CIT: variants seen among roughly 807,000 people sequenced by gnomAD.
CIT encodes the protein citron Rho-interacting kinase.
In CIT, 79 loss-of-function variants were observed where a neutral mutation model predicts 272.7. The observed-to-expected ratio is 0.29, with a 90% CI of 0.24 to 0.35. The LOEUF is 0.35. Ranked by LOEUF, CIT falls within the 10% of genes least tolerant of loss-of-function variation. The pLI is 1.00. For synonymous variants in CIT, 948 were observed against 995.6 expected (o/e 0.95, Z 0.90); for missense variants, 1,909 against 2,618.3 (o/e 0.73, Z 5.91).
Position 119,775,682 on chromosome 12 carries a change from T to A in CIT, c.1941+104A>T, listed in dbSNP as rs1963682348. 5 of 823,080 alleles carry A rather than the reference T, an allele frequency of 6.1e-6. No individual in the cohort carries two copies. The South Asian group carries it at 7.8e-5, about 13-fold the overall frequency. 51.0% of individuals were successfully genotyped at this position (823,080 alleles called of 1,614,324 possible). ...CCCCTTCATTTTCCTCAGCGCTGGGTGACTAATTCTGTTTCTTTCATCTTT... is the reference window on the plus strand; with the variant it reads ...CCCCTTCATTTTCCTCAGCGCTGGGAGACTAATTCTGTTTCTTTCATCTTT... On this transcript the variant is annotated intron_variant, in intron 16 of 47. Coordinates refer to ENST00000392521, the MANE Select transcript of CIT (RefSeq NM_001206999.2).
chr12:119,708,925 A>C (rs1308985373), intron 39 of CIT, among the ~76,000 whole-genome samples: 1 of 152,216 alleles, frequency 6.6e-6, no homozygotes, highest in African/African-American at 2.4e-5. Flanking sequence ...GTAAAGAACG[A>C]ATGTGTGAGG....
intron 19 of CIT, among the ~76,000 whole-genome samples, chr12:119,765,166 A>T (rs1356427601): frequency 6.6e-6 from 1 of 151,978 alleles, no homozygotes; most frequent in Non-Finnish European, 1.5e-5. Flanking sequence ...TTGAGATATA[A>T]TGACCACTAA....
At chr12:119,704,042 C>A (rs74373703) in intron 41 of CIT, among the ~76,000 whole-genome samples, 7 of 152,096 alleles carry the variant, frequency 4.6e-5, no homozygotes, top group African/African-American at 1.7e-4. Flanking sequence ...AAAGAGCCCC[C>A]CCTTTTTTTT....
chr12:119,872,876 A>G (rs781191682), intron 2 of CIT, among the ~76,000 whole-genome samples: 5 of 152,254 alleles, frequency 3.3e-5, no homozygotes, highest in Non-Finnish European at 7.4e-5. Flanking sequence ...AACTCACTAC[A>G]ACCTCTGCCT....
At chr12:119,688,397 G>A (rs1285539131) in intron 47 of CIT, 142 bp from the exon 48 acceptor site, 8 of 790,140 alleles carry the variant, frequency 1.0e-5, no homozygotes, top group Admixed American at 9.1e-5. Flanking sequence ...GGCAGCACCC[G>A]CTCCAGAGCC....
At chr12:119,704,142 GAAGAA>G (rs1764971770) in intron 41 of CIT, among the ~76,000 whole-genome samples, 2 of 152,116 alleles carry the variant, frequency 1.3e-5, no homozygotes, top group African/African-American at 4.8e-5. Flanking sequence ...GCAAATGTGA[GAAGAA>G]AAGCAGGAGG....
intron 24 of CIT, among the ~76,000 whole-genome samples, chr12:119,737,175 C>T (rs539928054): frequency 7.0e-4 from 107 of 151,818 alleles, no homozygotes; most frequent in African/African-American, 2.3e-3. Context: ...GGCGTGGTGG[C>T]GGGCACCTGT....
intron 12 of CIT, 79 bp from the exon 13 acceptor site, chr12:119,782,716 G>A: frequency 1.3e-6 from 2 of 1,561,544 alleles, no homozygotes; most frequent in Non-Finnish European, 1.7e-6. Context: ...AGAGCTGCAA[G>A]CTGCTTCGCA....
Position 119,757,375 on chromosome 12 carries a change from C to T in CIT, c.2702G>A (p.Arg901Gln), listed in dbSNP as rs776569040. 3.7e-6 allele frequency: 6 copies of T among 1,613,924 alleles called. No homozygotes were observed. Among genetic ancestry groups the T allele is most frequent in the Non-Finnish European group, 5.1e-6 (6 of 1,180,024 alleles). ...GAGATGACTCCTCGCTCTCACCTCC[C>T]GCAATCTTGTCTCCAGTTCCAGCAG... ...NRLLELETRL[R>Q]EVSLEHEEQK... Residue 901 changes from arginine (R) to glutamine (Q), a missense_variant, in exon 22 of 48, where the codon CGG becomes CAG. Arg to Gln is a conservative substitution (Grantham distance 43). Around this residue, in one of 8 missense-constraint regions of CIT, gnomAD observed 530 missense variants for 822.4 expected, o/e 0.64. Transcript: ENST00000392521.
intron 2 of CIT, among the ~76,000 whole-genome samples, chr12:119,872,262 G>A (rs1950702373): frequency 6.6e-6 from 1 of 151,846 alleles, no homozygotes; most frequent in Admixed American, 6.6e-5. Context: ...TAAAAAGTTG[G>A]AAAACCTGTG....
intron 26 of CIT, 22 bp downstream of exon 26, chr12:119,734,142 T>G (rs751157468): frequency 1.4e-5 from 22 of 1,611,434 alleles, no homozygotes; most frequent in Non-Finnish European, 1.9e-5. Context: ...GTCATGAGCT[T>G]TCCACAAACA....
chr12:119,713,486 C>A lies in CIT; in HGVS notation c.4469G>T (p.Gly1490Val). The A allele has an allele frequency of 6.2e-7, 1 of 1,614,198 alleles. No homozygotes were observed. The highest frequency in any genetic ancestry group is 8.5e-7 in the Non-Finnish European group (1 of 1,180,014). Residue 1490 changes from glycine (G) to valine (V), a missense_variant, in exon 34 of 48, where the codon GGG becomes GTG. Transcript: ENST00000392521. The surrounding 1 kb of genome is among the most constrained non-coding windows in gnomAD (Gnocchi z 5.2). ...KEPSSSLHLE[G>V]WMKVPRNNKR... ...ATGGTACCTGGGCACCTTCATCCAC[C>A]CTTCCAGGTGCAAGCTGCTGCTGGG...
chr12:119,808,548 C>T (rs1041695189), intron 9 of CIT, among the ~76,000 whole-genome samples: 2 of 151,796 alleles, frequency 1.3e-5, no homozygotes, highest in Non-Finnish European at 2.9e-5. Flanking sequence ...TACTGAGCCT[C>T]GTAAAACTCC....
At position 119,822,826 on chromosome 12, in the gene CIT, G is replaced by C. The variant is rs754496604; in HGVS notation, c.1105C>G (p.Arg369Gly). 1 of 1,613,962 alleles carries C rather than the reference G, an allele frequency of 6.2e-7. No individual in the cohort carries two copies. Residue 369 changes from arginine (R) to glycine (G), a missense_variant, in exon 9 of 48, where the codon CGT (arginine) becomes GGT (glycine). Physicochemically the swap from Arg to Gly is moderately radical, Grantham distance 125. Transcript: ENST00000392521. ...GGAAAACAGCCCTACTTACAGTTAC[G>C]AATGTTGTTCCAGTCAATTTTAGAG... Reference protein sequence around the residue: ...FFSKIDWNNIRNSPPPFVPTL... With the variant: ...FFSKIDWNNIGNSPPPFVPTL...
At chr12:119,756,412 G>A (rs1960989994) in intron 22 of CIT, among the ~76,000 whole-genome samples, 1 of 152,292 alleles carries the variant, frequency 6.6e-6, no homozygotes, top group African/African-American at 2.4e-5. Context: ...TACTCCTTTT[G>A]GGGTTCCTAT....
chr12:119,780,636 T>C (rs402533), intron 13 of CIT, among the ~76,000 whole-genome samples: 92 of 152,098 alleles, frequency 6.0e-4, no homozygotes, highest in African/African-American at 2.1e-3. Context: ...AAGAGCGATA[T>C]AGAAAGTTAG....
intron 22 of CIT, among the ~76,000 whole-genome samples, chr12:119,753,736 CAAA>C (rs61342513): frequency 1.8e-5 from 2 of 112,156 alleles, no homozygotes; most frequent in African/African-American, 3.1e-5. Context: ...GACTCTGCCT[CAAA>C]AAAAAAAAAA....
chr12:119,799,648 T>G (rs1186381940), intron 10 of CIT, among the ~76,000 whole-genome samples: 1 of 152,154 alleles, frequency 6.6e-6, no homozygotes. Context: ...AAGATCCCAT[T>G]ACCCTCAGTG....
rs78723913 is a variant in CIT, at chr12:119,870,137, A to C, written c.97-936T>G. On this transcript the variant is annotated intron_variant, in intron 2 of 47. Coordinates refer to ENST00000392521, the MANE Select transcript of CIT (RefSeq NM_001206999.2). ...ATTCTGTAGGCACATGCTACTCCTT[A>C]CTTTAAGCGCTGGAGTCTATTTCTC... 7.8e-3 allele frequency among the ~76,000 whole-genome samples: 1,192 copies of C among 152,210 alleles called. 13 individuals carry two copies. Among genetic ancestry groups the C allele is most frequent in the African/African-American group, 0.027 (1,124 of 41,518 alleles).
Sources: allele counts gnomAD v4.1 joint callset (sites outside exome capture counted in the v4.1 genomes callset), GRCh38; gene constraint gnomAD v4.1.1; regional missense constraint gnomAD v4.1.1; non-coding constraint Gnocchi (gnomAD v3.1); transcripts MANE v1.5; gene names NCBI Gene and HGNC (gene_info 2026-07-23, HGNC 2026-07-21).